Variants in RAD51AP2 observed in about 807,000 individuals in gnomAD.
RAD51AP2 encodes RAD51-associated protein 2.
Under a neutral mutation model 85.5 loss-of-function variants are expected in RAD51AP2, and 67 were observed. The observed-to-expected ratio is 0.78, with a 90% CI of 0.64 to 0.96. The LOEUF is 0.96. RAD51AP2 is among the 40% of genes least tolerant of loss of function. The probability of loss-of-function intolerance (pLI) is 0.00; values close to 1 mark genes in which losing one functional copy is unlikely to be tolerated. For synonymous variants in RAD51AP2, 474 were observed against 446.5 expected (o/e 1.06, Z -0.78); for missense variants, 1,307 against 1,332.4 (o/e 0.98, Z 0.30).
At chr2:17,513,602 T>C (rs558165815) in intron 2 of RAD51AP2, among the ~76,000 whole-genome samples, 1 of 152,220 alleles carries the variant, frequency 6.6e-6, no homozygotes, top group African/African-American at 2.4e-5. Flanking sequence ...CATGACTAAA[T>C]GGCAAATATT....
upstream of RAD51AP2, among the ~76,000 whole-genome samples, chr2:17,521,942 A>C (rs1352654650): frequency 6.6e-6 from 1 of 151,998 alleles, no homozygotes; most frequent in Non-Finnish European, 1.5e-5. Context: ...TTTTACATCA[A>C]ATATGACCCT....
At chr2:17,511,370 CAAT>C (rs1442318592) in intron 2 of RAD51AP2, among the ~76,000 whole-genome samples, 4 of 152,022 alleles carry the variant, frequency 2.6e-5, no homozygotes, top group Non-Finnish European at 5.9e-5. Flanking sequence ...AGGTTATTGT[CAAT>C]AATAGAACAC....
chr2:17,531,151 A>G, the RAD51AP2 span, among the ~76,000 whole-genome samples: 1 of 152,172 alleles, frequency 6.6e-6, no homozygotes. Context: ...TTAAATTAGT[A>G]AGTTTAGTCA....
rs1346388465 is a variant in RAD51AP2 at position 17,518,364 on chromosome 2, A to T, written c.52T>A (p.Ser18Thr). The T allele has an allele frequency of 6.2e-7, 1 of 1,613,490 alleles. No homozygotes were observed. The highest frequency in any genetic ancestry group is 1.7e-5 in the Admixed American group (1 of 59,986). The change falls in exon 1 of 3, where the codon TCC becomes ACC. Residue 18 changes from serine (S) to threonine (T), a missense_variant. Around this residue, in one of 3 missense-constraint regions of RAD51AP2, gnomAD observed 635 missense variants for 643.6 expected, o/e 0.99. Coordinates refer to ENST00000399080, the MANE Select transcript of RAD51AP2 (RefSeq NM_001099218.3). ...PRMAELRKPT[S>T]SLTPPEDPDS... ...GGGTCCTCAGGAGGCGTTAAAGAGG[A>T]GGTAGGCTTTCTGAGCTCGGCCATC... is the stretch of plus-strand genomic sequence containing the variant.
At chr2:17,523,054 G>A (rs139680661), upstream of RAD51AP2, among the ~76,000 whole-genome samples, 18 of 151,962 alleles carry the variant, frequency 1.2e-4, no homozygotes, top group Admixed American at 5.2e-4. Context: ...ATTCCTTGAT[G>A]TGTAATATGA....
At position 17,515,588 on chromosome 2, in the gene RAD51AP2, A is replaced by G. The variant is rs200545467; in HGVS notation, c.2828T>C (p.Phe943Ser). The G allele has an allele frequency of 1.9e-4, 312 of 1,610,308 alleles. No homozygotes were observed. In the African/African-American group the frequency reaches 3.7e-3, roughly 19 times the overall value. The change falls in exon 1 of 3, where the codon TTT (phenylalanine) becomes TCT (serine). Residue 943 changes from phenylalanine (F) to serine (S), a missense_variant. Coordinates refer to ENST00000399080, the MANE Select transcript of RAD51AP2 (RefSeq NM_001099218.3). Reference protein sequence around the residue: ...TGLSEGNDECFQDLAAKYLST... With the variant: ...TGLSEGNDECSQDLAAKYLST... ...TAAATATTTAGCAGCTAAGTCCTGA[A>G]AACATTCATCATTCCCTTCACTCAG... is the stretch of plus-strand genomic sequence containing the variant.
At position 17,515,405 on chromosome 2, in the gene RAD51AP2, T is replaced by C. The variant is rs769528449; in HGVS notation, c.3011A>G (p.Asn1004Ser). The change falls in exon 1 of 3, where the codon AAT becomes AGT. Residue 1004 changes from asparagine to serine, a missense_variant. Transcript: ENST00000399080. ...CTCCATTTTTACCTTCTCAGCATCA[T>C]TTTCTCCAAAGTAATTTTCTTGCCC... ...NNGQENYFGE[N>S]DAEKVKMEIE... 6.8e-6 allele frequency: 11 copies of C among 1,612,030 alleles called. No homozygotes were observed. The highest frequency in any genetic ancestry group is 6.8e-6 in the Non-Finnish European group (8 of 1,179,520).
Position 17,510,591 on chromosome 2 carries a change from A to G in RAD51AP2, c.*213T>C, listed in dbSNP as rs1390479530. On this transcript the variant is annotated 3_prime_UTR_variant, in exon 3 of 3. Coordinates refer to ENST00000399080, the MANE Select transcript of RAD51AP2 (RefSeq NM_001099218.3). ...ATAAGTCAACATGTTTTATCCAATA[A>G]TGAAACGGCTTTAATGTGTACATTT... 1 of 319,962 alleles carries G rather than the reference A, an allele frequency of 3.1e-6. No homozygotes were observed. The highest frequency in any genetic ancestry group is 5.6e-6 in the Non-Finnish European group (1 of 177,846). The allele number at this position is 319,962 out of a possible 1,614,324, so 19.8% of individuals were successfully genotyped here. A position where few individuals can be genotyped will look rare whatever the true frequency, so the allele number is the denominator to read the frequency against.
At chr2:17,513,877 A>G (rs1662568856) in intron 2 of RAD51AP2, 135 bp downstream of exon 2, 1 of 598,446 alleles carries the variant, frequency 1.7e-6, no homozygotes, top group Non-Finnish European at 3.0e-6. Context: ...TCAGTATAAT[A>G]TTAATGCTCT....
At chr2:17,529,283 AT>A in the RAD51AP2 span, among the ~76,000 whole-genome samples, 35,828 of 151,406 alleles carry the variant, frequency 0.24, 5,517 homozygotes, top group Middle Eastern at 0.44. Context: ...ATTACTTAAA[AT>A]TTTTTTTCTC....
intron 2 of RAD51AP2, among the ~76,000 whole-genome samples, chr2:17,513,206 G>A (rs1231622913): frequency 6.7e-6 from 1 of 149,368 alleles, no homozygotes; most frequent in Admixed American, 6.7e-5. Context: ...CAAAAGATAA[G>A]GTTAGTTGTT....
Position 17,516,777 on chromosome 2 carries a change from T to A in RAD51AP2, c.1639A>T (p.Ile547Phe). Residue 547 changes from isoleucine (I) to phenylalanine (F), a missense_variant, in exon 1 of 3, where the codon ATT becomes TTT. Ile to Phe is a conservative substitution (Grantham distance 21). Around this residue, in one of 3 missense-constraint regions of RAD51AP2, gnomAD observed 635 missense variants for 643.6 expected, o/e 0.99. Transcript: ENST00000399080. Reference protein sequence around the residue: ...KCKKQIGIIGIQNLITRNMNT... With the variant: ...KCKKQIGIIGFQNLITRNMNT... ...ATGTTTCTGGTTATTAGATTTTGAA[T>A]ACCAATTATACCAATTTGCTTTTTA... The A allele has an allele frequency of 6.4e-7, 1 of 1,550,550 alleles. No homozygotes were observed. The highest frequency in any genetic ancestry group is 1.4e-5 in the African/African-American group (1 of 72,530).
the RAD51AP2 span, among the ~76,000 whole-genome samples, chr2:17,535,524 T>C: frequency 1.0e-3 from 159 of 152,286 alleles, no homozygotes; most frequent in African/African-American, 3.3e-3. Context: ...GCTGAACTAA[T>C]ACAGTGGCAG....
chr2:17,521,327 T>C (rs1006016266), upstream of RAD51AP2, among the ~76,000 whole-genome samples: 2 of 152,128 alleles, frequency 1.3e-5, no homozygotes, highest in African/African-American at 4.8e-5. Context: ...GAGTTCAAAA[T>C]GGACTTCAAA....
Position 17,510,920 on chromosome 2 carries a change from G to T in RAD51AP2, c.3364C>A (p.Pro1122Thr). Reference sequence around the variant, plus strand: ...ATTGGCCTACTGCATGTCTTAAGCGGTCGTACTCTTGAAATGCCATGTGGA... The same window carrying T: ...ATTGGCCTACTGCATGTCTTAAGCGTTCGTACTCTTGAAATGCCATGTGGA... ...HFPHGISRVR[P>T]LKTCSRPIRI... Residue 1122 changes from proline (P) to threonine (T), a missense_variant, in exon 3 of 3, where the codon CCG becomes ACG. Physicochemically the swap from Pro to Thr is conservative, Grantham distance 38 (BLOSUM62 -1). This residue lies in a region of RAD51AP2 where 668 missense variants were observed against 671.0 expected (regional missense o/e 1.00). Transcript: ENST00000399080. 6.2e-7 allele frequency: 1 copy of T among 1,602,682 alleles called. No homozygotes were observed. Among genetic ancestry groups the T allele is most frequent in the Non-Finnish European group, 8.5e-7 (1 of 1,174,692 alleles).
chr2:17,519,863 G>A (rs1024594978), upstream of RAD51AP2, among the ~76,000 whole-genome samples: 1 of 152,076 alleles, frequency 6.6e-6, no homozygotes, highest in Admixed American at 6.5e-5. Context: ...AGCCCATAAG[G>A]GGTGACTTGT....
chr2:17,530,579 T>A, the RAD51AP2 span, among the ~76,000 whole-genome samples: 1 of 90,304 alleles, frequency 1.1e-5, no homozygotes, highest in African/African-American at 4.9e-5. Flanking sequence ...AGTCAGGCCC[T>A]GTCTCAAAAA....
At position 17,517,570 on chromosome 2, in the gene RAD51AP2, CT is replaced by C. The variant is rs1364600174; in HGVS notation, c.845del (p.Lys282ArgfsTer36). 1 of 1,612,804 alleles carries C rather than the reference CT, an allele frequency of 6.2e-7. No individual in the cohort carries two copies. The highest frequency in any genetic ancestry group is 8.5e-7 in the Non-Finnish European group (1 of 1,179,710). ...SVYLKEIAKK[K>X]NDKKEAYVRD... ...TAACATATGCCTCTTTTTTGTCATT[CT>C]TTTTCTTCGCTATTTCCTTTAAATA... On this transcript the variant is annotated frameshift_variant, in exon 1 of 3. Transcript: ENST00000399080. LOFTEE classifies it high-confidence loss of function.
At chr2:17,512,451 G>A (rs1237564049) in intron 2 of RAD51AP2, among the ~76,000 whole-genome samples, 1 of 152,136 alleles carries the variant, frequency 6.6e-6, no homozygotes, top group African/African-American at 2.4e-5. Context: ...AATTCTGGCT[G>A]AATTCATACA....
Sources: allele counts gnomAD v4.1 joint callset (sites outside exome capture counted in the v4.1 genomes callset), GRCh38; gene constraint gnomAD v4.1.1; regional missense constraint gnomAD v4.1.1; transcripts MANE v1.5; gene names NCBI Gene and HGNC (gene_info 2026-07-23, HGNC 2026-07-21).